The following ZNF503 variants were observed in gnomAD, a reference collection of about 807,000 sequenced individuals.
ZNF503 encodes the protein NocA-like zinc finger 2.
Under a neutral mutation model 34.4 loss-of-function variants are expected in ZNF503, and 15 were observed. That is an observed-to-expected ratio of 0.44 (90% CI 0.29 to 0.67). ZNF503 has a LOEUF of 0.67. ZNF503 is among the 30% of genes least tolerant of loss of function. The pLI is 0.13. For missense variants in ZNF503, 1,007 were observed against 926.8 expected (o/e 1.09, Z -1.12); for synonymous variants, 580 against 456.8 (o/e 1.27, Z -3.44).
At chr10:75,375,814 C>T in the ZNF503 span, among the ~76,000 whole-genome samples, 21 of 152,136 alleles carry the variant, frequency 1.4e-4, no homozygotes, top group East Asian at 2.5e-3. Context: ...ACTGAGCCCG[C>T]GGAACCCATT....
At position 75,400,378 on chromosome 10, in the gene ZNF503, C is replaced by T; in HGVS notation, c.316-4G>A. ...GCGGGCTCTTCTTGGCATCGAGCTG[C>T]GGGGTCAGACGATGGGGGGGGAGCG... On this transcript the variant is annotated splice_region_variant and splice_polypyrimidine_tract_variant and intron_variant, in intron 1 of 1. Transcript: ENST00000372524. 2 of 1,596,332 alleles carry T rather than the reference C, an allele frequency of 1.3e-6. No individual in the cohort carries two copies.
At chr10:75,295,177 G>T in the ZNF503 span, among the ~76,000 whole-genome samples, 7 of 151,846 alleles carry the variant, frequency 4.6e-5, no homozygotes, top group Non-Finnish European at 1.0e-4. The surrounding 1 kb of genome is among the most constrained non-coding windows in gnomAD (Gnocchi z 4.0). Flanking sequence ...CTCCGACTCG[G>T]GGGGCAGGCG....
chr10:75,302,477 C>A, the ZNF503 span, among the ~76,000 whole-genome samples: 1 of 152,148 alleles, frequency 6.6e-6, no homozygotes, highest in Non-Finnish European at 1.5e-5. Context: ...TTCTAGAATG[C>A]TAATTACAGA....
At chr10:75,353,418 T>A in the ZNF503 span, among the ~76,000 whole-genome samples, 1 of 152,188 alleles carries the variant, frequency 6.6e-6, no homozygotes, top group African/African-American at 2.4e-5. Context: ...CAGCTGCTTG[T>A]GTCCTCTGCT....
At chr10:75,294,551 TGG>T in the ZNF503 span, among the ~76,000 whole-genome samples, 45 of 152,276 alleles carry the variant, frequency 3.0e-4, 1 homozygote, top group East Asian at 8.1e-3. Flanking sequence ...CTTCTCACTC[TGG>T]GGTGGCATCT....
At chr10:75,305,828 A>G in the ZNF503 span, among the ~76,000 whole-genome samples, 1 of 152,164 alleles carries the variant, frequency 6.6e-6, no homozygotes, top group Non-Finnish European at 1.5e-5. Flanking sequence ...ACATATTCAA[A>G]GTTCATCCAT....
the ZNF503 span, among the ~76,000 whole-genome samples, chr10:75,334,312 A>T: frequency 1.3e-5 from 2 of 152,184 alleles, no homozygotes; most frequent in Admixed American, 6.5e-5. Context: ...GAAATTCTCC[A>T]CTTGGAATTA....
the ZNF503 span, among the ~76,000 whole-genome samples, chr10:75,321,791 G>T: frequency 6.6e-6 from 1 of 152,116 alleles, no homozygotes; most frequent in Non-Finnish European, 1.5e-5. Flanking sequence ...GCAAAGAAAT[G>T]ACCTAAAACT....
rs749356117 is a variant in ZNF503, at chr10:75,398,993, G to A, written c.1697C>T (p.Ala566Val). The A allele has an allele frequency of 4.4e-6, 7 of 1,606,582 alleles. No individual in the cohort carries two copies. Among genetic ancestry groups the A allele is most frequent in the Middle Eastern group, 1.7e-4 (1 of 6,052 alleles). The part of the protein sequence containing the change: ...PSSSSLASAA[A>V]AAMACHMHIP... ...GTGCATGTGGCAAGCCATGGCGGCC[G>A]CGGCAGCGCTGGCCAGAGACGACGA... Residue 566 changes from alanine to valine, a missense_variant, in exon 2 of 2, where the codon GCG (alanine) becomes GTG (valine). Coordinates refer to ENST00000372524, the MANE Select transcript of ZNF503 (RefSeq NM_032772.6).
the ZNF503 span, among the ~76,000 whole-genome samples, chr10:75,304,196 G>GT: frequency 1.2e-4 from 19 of 152,008 alleles, no homozygotes; most frequent in Middle Eastern, 3.4e-3. Flanking sequence ...TCTCTGGTTT[G>GT]TTTTTTTTGG....
chr10:75,393,720 A>G (rs1843668515), downstream of ZNF503, among the ~76,000 whole-genome samples: 1 of 152,090 alleles, frequency 6.6e-6, no homozygotes, highest in African/African-American at 2.4e-5. Context: ...TTAGCTGGGC[A>G]TGGTGGTGCA....
chr10:75,396,221 T>G (rs980133910), downstream of ZNF503, among the ~76,000 whole-genome samples: 1 of 152,046 alleles, frequency 6.6e-6, no homozygotes, highest in African/African-American at 2.4e-5. This position sits in a 1 kb window ranked among gnomAD's most constrained non-coding sequence, Gnocchi z 4.4. Context: ...CAGGCCCAGC[T>G]CAGCCTCTCT....
At chr10:75,379,995 T>C in the ZNF503 span, among the ~76,000 whole-genome samples, 1 of 152,086 alleles carries the variant, frequency 6.6e-6, no homozygotes, top group Non-Finnish European at 1.5e-5. Flanking sequence ...GGGTGGGAAG[T>C]GGCTGAAGTG....
At chr10:75,287,683 A>G in the ZNF503 span, among the ~76,000 whole-genome samples, 1 of 152,136 alleles carries the variant, frequency 6.6e-6, no homozygotes, top group Non-Finnish European at 1.5e-5. Flanking sequence ...GGCCTCTGAC[A>G]AGATCAGGGT....
the ZNF503 span, among the ~76,000 whole-genome samples, chr10:75,354,970 C>G: frequency 2.1e-3 from 316 of 152,290 alleles, 1 homozygote; most frequent in African/African-American, 7.4e-3. Context: ...TCCCAAGCAG[C>G]TGGGACTACA....
chr10:75,378,987 AC>A, the ZNF503 span, among the ~76,000 whole-genome samples: 4 of 151,370 alleles, frequency 2.6e-5, no homozygotes, highest in African/African-American at 7.3e-5. Flanking sequence ...GCCTCTCCAC[AC>A]CCCCCAAACC....
the ZNF503 span, among the ~76,000 whole-genome samples, chr10:75,307,232 G>T: frequency 6.6e-6 from 1 of 152,202 alleles, no homozygotes; most frequent in African/African-American, 2.4e-5. Flanking sequence ...AATTAAAAGT[G>T]CTACCCTAGT....
At chr10:75,311,696 G>A in the ZNF503 span, among the ~76,000 whole-genome samples, 3 of 146,700 alleles carry the variant, frequency 2.0e-5, no homozygotes, top group African/African-American at 7.5e-5. Flanking sequence ...AAAGCCGGAA[G>A]TGGTGGTGCA....
chr10:75,293,152 A>G, the ZNF503 span, among the ~76,000 whole-genome samples: 1 of 152,132 alleles, frequency 6.6e-6, no homozygotes, highest in Non-Finnish European at 1.5e-5. Context: ...TCGTTGGAGA[A>G]GGGGGCTGTG....
Sources: allele counts gnomAD v4.1 joint callset (sites outside exome capture counted in the v4.1 genomes callset), GRCh38; gene constraint gnomAD v4.1.1; non-coding constraint Gnocchi (gnomAD v3.1); transcripts MANE v1.5; gene names NCBI Gene and HGNC (gene_info 2026-07-23, HGNC 2026-07-21).